The following CYYR1 variants were observed in gnomAD, a reference collection of about 807,000 sequenced individuals.
The protein encoded by CYYR1 is cysteine and tyrosine rich 1.
Under a neutral mutation model 15.2 loss-of-function variants are expected in CYYR1, and 14 were observed. The observed-to-expected ratio is 0.92, with a 90% CI of 0.61 to 1.44. The LOEUF is 1.44. Ranked by LOEUF, CYYR1 falls within the 40% of genes most tolerant of loss-of-function variation. The pLI is 0.00. For synonymous variants in CYYR1, 80 were observed against 77.4 expected (o/e 1.03, Z -0.18); for missense variants, 228 against 209.5 (o/e 1.09, Z -0.54).
At chr21:26,531,599 C>T (rs1410141482) in intron 2 of CYYR1, among the ~76,000 whole-genome samples, 1 of 152,096 alleles carries the variant, frequency 6.6e-6, no homozygotes, top group Non-Finnish European at 1.5e-5. Context: ...TCCACTATGA[C>T]TGGAAGTTTC....
chr21:26,540,192 A>G (rs1978447683), intron 2 of CYYR1, among the ~76,000 whole-genome samples: 1 of 152,164 alleles, frequency 6.6e-6, no homozygotes, highest in South Asian at 2.1e-4. Context: ...TAACCCTACC[A>G]CGGATCACAA....
intron 2 of CYYR1, among the ~76,000 whole-genome samples, chr21:26,561,296 CTTAA>C (rs1346161750): frequency 6.7e-6 from 1 of 149,994 alleles, no homozygotes; most frequent in East Asian, 1.9e-4. Context: ...ATTATTTTAA[CTTAA>C]TTAATTTAAA....
intron 3 of CYYR1, chr21:26,477,847 C>T (rs2065123981): frequency 1.6e-6 from 2 of 1,215,388 alleles, no homozygotes; most frequent in African/African-American, 1.6e-5. Context: ...AAAATAATTC[C>T]ATCTATTTTT....
At chr21:26,520,061 T>A (rs1404943204) in intron 2 of CYYR1, among the ~76,000 whole-genome samples, 5 of 148,530 alleles carry the variant, frequency 3.4e-5, no homozygotes, top group Non-Finnish European at 7.4e-5. Context: ...TAAAAAGGAA[T>A]GAAATCATGC....
chr21:26,520,862 A>G (rs1306292373), intron 2 of CYYR1, among the ~76,000 whole-genome samples: 2 of 152,154 alleles, frequency 1.3e-5, no homozygotes, highest in Non-Finnish European at 2.9e-5. Flanking sequence ...CAACAAACAT[A>G]TGAGATCATG....
In CYYR1 at chr21:26,516,853, C is replaced by T. The variant is rs139286601; in HGVS notation, c.177-36424G>A. On this transcript the variant is annotated intron_variant, in intron 2 of 3. Transcript: ENST00000652641. ...ACTGGGGGCCGGGCGCGGTGGCTCA[C>T]GCCTGTAATCCCAGCACTTTGGGAG... 3.1e-3 allele frequency among the ~76,000 whole-genome samples: 465 copies of T among 152,138 alleles called. 16 individuals are homozygous for T. The highest frequency in any genetic ancestry group is 0.027 in the Admixed American group (408 of 15,296).
chr21:26,499,953 G>T (rs1318853069), intron 2 of CYYR1, among the ~76,000 whole-genome samples: 1 of 151,972 alleles, frequency 6.6e-6, no homozygotes, highest in Non-Finnish European at 1.5e-5. Context: ...AGTTGCCTTG[G>T]GCTGCTATGA....
chr21:26,526,427 G>A (rs372748594), intron 2 of CYYR1, among the ~76,000 whole-genome samples: 1 of 151,944 alleles, frequency 6.6e-6, no homozygotes, highest in South Asian at 2.1e-4. Flanking sequence ...CAGCCTGGGC[G>A]ACAGAGCAAA....
At chr21:26,478,710 C>A (rs1300462603) in intron 3 of CYYR1, among the ~76,000 whole-genome samples, 1 of 152,084 alleles carries the variant, frequency 6.6e-6, no homozygotes, top group Non-Finnish European at 1.5e-5. Flanking sequence ...AGGGTGGATG[C>A]TGGGAGACCA....
At chr21:26,476,101 A>G (rs2065100271) in intron 3 of CYYR1, among the ~76,000 whole-genome samples, 1 of 152,142 alleles carries the variant, frequency 6.6e-6, no homozygotes, top group Admixed American at 6.6e-5. Flanking sequence ...GTCATGTGTG[A>G]ATTCAGTGAT....
chr21:26,542,553 T>C (rs1569167672), intron 2 of CYYR1, among the ~76,000 whole-genome samples: 1 of 152,160 alleles, frequency 6.6e-6, no homozygotes, highest in Non-Finnish European at 1.5e-5. Flanking sequence ...ATTAGCATCA[T>C]GCTTAATTGT....
intron 2 of CYYR1, among the ~76,000 whole-genome samples, chr21:26,538,479 T>G (rs1978335389): frequency 6.6e-6 from 1 of 152,150 alleles, no homozygotes; most frequent in African/African-American, 2.4e-5. Flanking sequence ...GTCTTTTATT[T>G]CTCTCAATAT....
chr21:26,523,033 A>G (rs543550992), intron 2 of CYYR1, among the ~76,000 whole-genome samples: 1 of 152,338 alleles, frequency 6.6e-6, no homozygotes, highest in South Asian at 2.1e-4. Flanking sequence ...GAAAATGGTA[A>G]GATAGAGGAA....
chr21:26,525,627 A>G (rs1187172703), intron 2 of CYYR1, among the ~76,000 whole-genome samples: 4 of 152,198 alleles, frequency 2.6e-5, no homozygotes, highest in African/African-American at 9.7e-5. Flanking sequence ...TGTGTTCAGG[A>G]TATTTAATAA....
intron 2 of CYYR1, among the ~76,000 whole-genome samples, chr21:26,483,729 C>T (rs73349219): frequency 0.015 from 2,345 of 152,198 alleles, 70 homozygotes; most frequent in African/African-American, 0.054. Flanking sequence ...TGGAGGCTTA[C>T]GGGTTTAAGT....
intron 2 of CYYR1, among the ~76,000 whole-genome samples, chr21:26,534,542 T>G (rs2065972478): frequency 6.6e-6 from 1 of 152,062 alleles, no homozygotes; most frequent in African/African-American, 2.4e-5. Context: ...AGACTGGAGA[T>G]GGAGAGGAAA....
intron 2 of CYYR1, among the ~76,000 whole-genome samples, chr21:26,541,049 A>G (rs1244409860): frequency 6.6e-6 from 1 of 152,214 alleles, no homozygotes; most frequent in Non-Finnish European, 1.5e-5. Context: ...ATGAAAGAAG[A>G]GTCAGTGACG....
At chr21:26,537,764 G>A (rs756305959) in intron 2 of CYYR1, among the ~76,000 whole-genome samples, 3 of 152,048 alleles carry the variant, frequency 2.0e-5, no homozygotes, top group African/African-American at 4.8e-5. Context: ...AAATTCATAC[G>A]TTGACCCCTA....
At chr21:26,478,687 C>T (rs1477714443) in intron 3 of CYYR1, among the ~76,000 whole-genome samples, 1 of 152,026 alleles carries the variant, frequency 6.6e-6, no homozygotes, top group Non-Finnish European at 1.5e-5. Context: ...TGAGAATAGA[C>T]CCCAGGGGGC....
Sources: allele counts gnomAD v4.1 joint callset (sites outside exome capture counted in the v4.1 genomes callset), GRCh38; gene constraint gnomAD v4.1.1; transcripts MANE v1.5; gene names NCBI Gene and HGNC (gene_info 2026-07-23, HGNC 2026-07-21).